Variants in CPLX2 observed in about 807,000 individuals in gnomAD.
The protein encoded by CPLX2 is complexin 2, also known as complexin-2.
In CPLX2, 5 loss-of-function variants were observed where a neutral mutation model predicts 16.3. The observed-to-expected ratio is 0.31, with a 90% CI of 0.16 to 0.64. CPLX2 has a LOEUF of 0.64. Among genes scored for constraint, CPLX2 ranks in the 30% least tolerant of loss-of-function variants. The pLI is 0.79. For missense variants in CPLX2, 144 were observed against 181.4 expected (o/e 0.79, Z 1.18); for synonymous variants, 89 against 73.2 (o/e 1.22, Z -1.10).
At chr5:175,876,999 C>T (rs966738293) in intron 1 of CPLX2, among the ~76,000 whole-genome samples, 11 of 152,090 alleles carry the variant, frequency 7.2e-5, no homozygotes, top group Admixed American at 2.0e-4. Flanking sequence ...AATATGTAGT[C>T]GGCAACGGCT....
At chr5:175,810,119 G>A (rs2113632318) in intron 2 of CPLX2, among the ~76,000 whole-genome samples, 1 of 152,318 alleles carries the variant, frequency 6.6e-6, no homozygotes, top group South Asian at 2.1e-4. Flanking sequence ...TCACAGGGCA[G>A]GGACAGAAGG....
chr5:175,850,456 G>T (rs1245837364), intron 2 of CPLX2, among the ~76,000 whole-genome samples: 1 of 152,202 alleles, frequency 6.6e-6, no homozygotes, highest in Non-Finnish European at 1.5e-5. Flanking sequence ...CACTGGGAAG[G>T]ACCCTGACCA....
chr5:175,865,766 A>G (rs1268879242), intron 2 of CPLX2, among the ~76,000 whole-genome samples: 1 of 152,176 alleles, frequency 6.6e-6, no homozygotes, highest in African/African-American at 2.4e-5. Flanking sequence ...ATGTGTCAGA[A>G]ACACCTGCGG....
At chr5:175,811,706 G>A (rs139370089) in intron 2 of CPLX2, among the ~76,000 whole-genome samples, 3,143 of 152,160 alleles carry the variant, frequency 0.021, 55 homozygotes, top group Non-Finnish European at 0.033. Context: ...GACTTCACAG[G>A]TGATGTTCTG....
intron 2 of CPLX2, among the ~76,000 whole-genome samples, chr5:175,863,472 C>G (rs1759408194): frequency 6.6e-6 from 1 of 152,176 alleles, no homozygotes; most frequent in South Asian, 2.1e-4. Context: ...TCTCTGAATA[C>G]AAAGTGGAGA....
chr5:175,817,233 G>A (rs950856915), intron 2 of CPLX2, among the ~76,000 whole-genome samples: 1 of 152,238 alleles, frequency 6.6e-6, no homozygotes, highest in African/African-American at 2.4e-5. Context: ...AAGCTTAGGA[G>A]CCAGAAAGAT....
chr5:175,862,333 T>C (rs1209557404), intron 2 of CPLX2, among the ~76,000 whole-genome samples: 2 of 152,166 alleles, frequency 1.3e-5, no homozygotes, highest in South Asian at 2.1e-4. Context: ...TCCACATGGG[T>C]GCATGGGTAG....
chr5:175,871,485 G>GAGAGAT (rs1561790514), upstream of CPLX2: 2 of 149,402 alleles, frequency 1.3e-5, no homozygotes, highest in Non-Finnish European at 1.5e-5. Flanking sequence ...GAGAGAGAGA[G>GAGAGAT]ATTTGAATTT....
At chr5:175,875,222 G>A (rs763035903) in intron 1 of CPLX2, among the ~76,000 whole-genome samples, 4 of 152,272 alleles carry the variant, frequency 2.6e-5, no homozygotes, top group African/African-American at 4.8e-5. Flanking sequence ...TAAGGGAAAC[G>A]CAGAATTTAG....
At chr5:175,825,301 G>T (rs1312987073) in intron 2 of CPLX2, among the ~76,000 whole-genome samples, 1 of 151,850 alleles carries the variant, frequency 6.6e-6, no homozygotes, top group East Asian at 1.9e-4. Flanking sequence ...GGCTGAGGCA[G>T]AATTGCTTGA....
At chr5:175,839,267 G>GT (rs1434249097) in intron 2 of CPLX2, among the ~76,000 whole-genome samples, 4 of 141,440 alleles carry the variant, frequency 2.8e-5, no homozygotes, top group African/African-American at 1.1e-4. Context: ...ATGAATTTTT[G>GT]TTTTTTTGTT....
upstream of CPLX2, chr5:175,871,439 G>GAGAGAGAGAA (rs1561790353): frequency 3.6e-3 from 263 of 72,632 alleles, 16 homozygotes; most frequent in African/African-American, 0.012. Flanking sequence ...GAGACAGAGA[G>GAGAGAGAGAA]AGAGAGAGAG....
chr5:175,836,214 G>T (rs902484185), intron 2 of CPLX2, among the ~76,000 whole-genome samples: 1 of 152,122 alleles, frequency 6.6e-6, no homozygotes, highest in Admixed American at 6.5e-5. Context: ...GCTGGGCGTG[G>T]TGGCGGGCAC....
chr5:175,852,666 C>T (rs1759180558), intron 2 of CPLX2, among the ~76,000 whole-genome samples: 1 of 152,180 alleles, frequency 6.6e-6, no homozygotes, highest in African/African-American at 2.4e-5. Flanking sequence ...CTACAAGTAA[C>T]GCAGGTTCAA....
chr5:175,883,914 C>G lies in CPLX2; in HGVS notation c.*3869C>G, dbSNP rs1755691160. On this transcript the variant is annotated 3_prime_UTR_variant, in exon 4 of 4. Transcript: ENST00000393745. Reference sequence around the variant, plus strand: ...GAGGGGAGGAGCACCCCCTCAGCCCCCCTGAACCTGACCAAAAGCCATGGC... The same window carrying G: ...GAGGGGAGGAGCACCCCCTCAGCCCGCCTGAACCTGACCAAAAGCCATGGC... 1 of 152,830 alleles carries G rather than the reference C, an allele frequency of 6.5e-6. No individual in the cohort carries two copies. Among genetic ancestry groups the G allele is most frequent in the Admixed American group, 6.5e-5 (1 of 15,284 alleles). 9.5% of individuals were successfully genotyped at this position (152,830 alleles called of 1,614,324 possible).
intron 2 of CPLX2, among the ~76,000 whole-genome samples, chr5:175,814,187 G>C (rs1758363596): frequency 6.6e-6 from 1 of 152,260 alleles, no homozygotes; most frequent in Non-Finnish European, 1.5e-5. Flanking sequence ...TGGGCCCAGA[G>C]GCAGGAATGT....
At chr5:175,835,728 CTTTTTTT>C (rs71575283) in intron 2 of CPLX2, among the ~76,000 whole-genome samples, 3 of 54,796 alleles carry the variant, frequency 5.5e-5, no homozygotes, top group African/African-American at 8.4e-5. Context: ...TATTTATTTA[CTTTTTTT>C]TTTTTTTTTT....
At chr5:175,869,768 C>A (rs992501923), upstream of CPLX2, among the ~76,000 whole-genome samples, 4 of 152,194 alleles carry the variant, frequency 2.6e-5, no homozygotes, top group Non-Finnish European at 4.4e-5. Flanking sequence ...CCTTCTCGAG[C>A]TTGACATACT....
At chr5:175,855,278 T>C (rs1209003553) in intron 2 of CPLX2, among the ~76,000 whole-genome samples, 1 of 152,228 alleles carries the variant, frequency 6.6e-6, no homozygotes, top group Non-Finnish European at 1.5e-5. Context: ...CTCTACCATG[T>C]GCTAGCCGTG....
Sources: gnomAD v4.1 joint callset for allele counts (sites outside exome capture counted in the v4.1 genomes callset) on GRCh38, gnomAD v4.1.1 for gene constraint, MANE v1.5 for transcripts, NCBI Gene and HGNC (gene_info 2026-07-23, HGNC 2026-07-21) for gene names.